The following PPP2R2B variants were observed in gnomAD, a reference collection of about 807,000 sequenced individuals.
PPP2R2B encodes protein phosphatase 2 regulatory subunit Bbeta, also known as serine/threonine-protein phosphatase 2A 55 kDa regulatory subunit B beta isoform.
PPP2R2B carries 5 observed loss-of-function variants against 46.0 expected under a neutral mutation model. The observed-to-expected ratio is 0.11, with a 90% confidence interval of 0.06 to 0.23. The LOEUF (loss-of-function observed/expected upper bound fraction) is 0.23. Ranked by LOEUF, PPP2R2B falls within the 10% of genes least tolerant of loss-of-function variation. PPP2R2B has a pLI of 1.00. For synonymous variants in PPP2R2B, 215 were observed against 206.7 expected (o/e 1.04, Z -0.34); for missense variants, 367 against 575.0 (o/e 0.64, Z 3.70).
intron 2 of PPP2R2B, among the ~76,000 whole-genome samples, chr5:146,867,234 G>A (rs776283580): frequency 1.9e-4 from 29 of 152,136 alleles, no homozygotes; most frequent in Non-Finnish European, 3.4e-4. Flanking sequence ...TTGCTTCTGC[G>A]ATATCTATGG....
intron 2 of PPP2R2B, among the ~76,000 whole-genome samples, chr5:146,706,082 G>A (rs1779828132): frequency 1.3e-5 from 2 of 152,182 alleles, no homozygotes; most frequent in Non-Finnish European, 2.9e-5. Context: ...CCGCGGGTGG[G>A]CTGAGGGCTA....
intron 5 of PPP2R2B, among the ~76,000 whole-genome samples, chr5:146,651,931 C>A (rs115332690): frequency 6.6e-6 from 1 of 152,198 alleles, no homozygotes; most frequent in African/African-American, 2.4e-5. Flanking sequence ...CTCACCTATG[C>A]GGGAGTTTTT....
chr5:146,953,930 A>G (rs1357189312), intron 1 of PPP2R2B, among the ~76,000 whole-genome samples: 2 of 152,176 alleles, frequency 1.3e-5, no homozygotes, highest in African/African-American at 4.8e-5. Flanking sequence ...GGTAGCATCA[A>G]CTAGTTTGGT....
At chr5:146,914,836 G>T (rs1205804703) in intron 1 of PPP2R2B, among the ~76,000 whole-genome samples, 1 of 152,296 alleles carries the variant, frequency 6.6e-6, no homozygotes, top group African/African-American at 2.4e-5. Context: ...CATATCTTGT[G>T]TGGTACAATT....
chr5:146,928,358 T>C (rs531756538), intron 1 of PPP2R2B, among the ~76,000 whole-genome samples: 25 of 152,086 alleles, frequency 1.6e-4, no homozygotes, highest in Non-Finnish European at 2.8e-4. Context: ...AGGACACCTC[T>C]AAGTCACCAT....
chr5:147,062,684 C>T (rs984761), intron 2 of PPP2R2B, among the ~76,000 whole-genome samples: 105,151 of 151,636 alleles, frequency 0.69, 36,812 homozygotes, highest in Middle Eastern at 0.77. Context: ...CTGTCTAGTA[C>T]AGGACACGGC....
At chr5:146,690,615 G>T (rs977706951) in intron 5 of PPP2R2B, among the ~76,000 whole-genome samples, 2 of 152,170 alleles carry the variant, frequency 1.3e-5, no homozygotes, top group African/African-American at 4.8e-5. Context: ...ATAAGTCCAC[G>T]AGCAGTACGT....
intron 5 of PPP2R2B, among the ~76,000 whole-genome samples, chr5:146,655,902 G>A (rs1776295802): frequency 6.6e-6 from 1 of 151,210 alleles, no homozygotes; most frequent in African/African-American, 2.4e-5. Context: ...CCAAAGAGAG[G>A]TGGGGGGTAG....
At chr5:146,597,091 A>G (rs1771246887) in intron 8 of PPP2R2B, among the ~76,000 whole-genome samples, 1 of 152,206 alleles carries the variant, frequency 6.6e-6, no homozygotes, top group South Asian at 2.1e-4. Flanking sequence ...CTTTGAAGTC[A>G]TGCCATCAAA....
intron 5 of PPP2R2B, among the ~76,000 whole-genome samples, chr5:146,687,378 A>G (rs1305824947): frequency 6.6e-6 from 1 of 152,066 alleles, no homozygotes; most frequent in Admixed American, 6.6e-5. Flanking sequence ...TGGGTATTCT[A>G]CTTAACTGCT....
chr5:146,760,917 T>G (rs1435928442), intron 2 of PPP2R2B, among the ~76,000 whole-genome samples: 6 of 152,294 alleles, frequency 3.9e-5, no homozygotes, highest in Admixed American at 2.6e-4. Context: ...GAAAAAATGC[T>G]CATCATCACT....
chr5:146,623,154 C>T (rs1773819928), intron 7 of PPP2R2B, among the ~76,000 whole-genome samples: 1 of 152,108 alleles, frequency 6.6e-6, no homozygotes, highest in African/African-American at 2.4e-5. Context: ...GTTTTGTGGC[C>T]CCACAGTGAC....
chr5:146,990,422 A>G (rs1426114480), intron 1 of PPP2R2B, among the ~76,000 whole-genome samples: 1 of 152,166 alleles, frequency 6.6e-6, no homozygotes, highest in East Asian at 1.9e-4. Context: ...AAATCCATGC[A>G]CTTTTAACCA....
At chr5:146,884,636 CAA>C (rs1371785475) in intron 1 of PPP2R2B, among the ~76,000 whole-genome samples, 16 of 152,180 alleles carry the variant, frequency 1.1e-4, no homozygotes, top group African/African-American at 3.9e-4. Context: ...TTACAAAACT[CAA>C]GAGTCTAGAT....
chr5:147,031,270 G>A lies in PPP2R2B; in HGVS notation c.79+24395C>T, dbSNP rs373049997. 9.9e-5 allele frequency among the ~76,000 whole-genome samples: 15 copies of A among 152,168 alleles called. No individual in the cohort carries two copies. The East Asian group carries it at 1.7e-3, about 18-fold the overall frequency. On this transcript the variant is annotated intron_variant, in intron 1 of 8. Coordinates refer to the PPP2R2B transcript ENST00000336640. ...AATCTTTATTTTGCTTTTATCTTAA[G>A]GGTTATTTTATTAGATAGAGCATTC...
chr5:146,896,203 A>T (rs1762639274), intron 1 of PPP2R2B, among the ~76,000 whole-genome samples: 1 of 152,208 alleles, frequency 6.6e-6, no homozygotes, highest in African/African-American at 2.4e-5. Context: ...AAGCCTGTTT[A>T]CCTCATAATC....
rs572721782 is a variant in PPP2R2B, at chr5:146,660,704, G to T, written c.448-9980C>A. Among the ~76,000 whole-genome samples, 10 of 152,188 alleles carry T rather than the reference G, an allele frequency of 6.6e-5. No homozygotes were observed. In the South Asian group the frequency reaches 1.9e-3, roughly 28 times the overall value. ...ATGTCCCTAATTTCTTCTTTTACTG[G>T]CTTTGTCATACAGATTGAAATAAGC... On this transcript the variant is annotated intron_variant, in intron 5 of 9. Coordinates refer to ENST00000394411, the MANE Select transcript of PPP2R2B (RefSeq NM_181675.4).
At chr5:147,044,895 C>T (rs568834644) in intron 1 of PPP2R2B, among the ~76,000 whole-genome samples, 48 of 152,292 alleles carry the variant, frequency 3.2e-4, no homozygotes, top group Middle Eastern at 6.8e-3. Context: ...GTCTGCCTTT[C>T]CTTTTCTTCC....
At chr5:146,824,916 C>T (rs991635651) in intron 2 of PPP2R2B, among the ~76,000 whole-genome samples, 7 of 151,926 alleles carry the variant, frequency 4.6e-5, no homozygotes, top group African/African-American at 1.7e-4. Flanking sequence ...AGAGACAGGG[C>T]TTCACCATGT....
Sources: gnomAD v4.1 joint callset for allele counts (sites outside exome capture counted in the v4.1 genomes callset) on GRCh38, gnomAD v4.1.1 for gene constraint, MANE v1.5 for transcripts, NCBI Gene and HGNC (gene_info 2026-07-23, HGNC 2026-07-21) for gene names.